The following POMP variants were observed in gnomAD, a reference collection of about 807,000 sequenced individuals.
POMP encodes proteasome maturation protein, also known as 2510048O06Rik.
In POMP, 12 loss-of-function variants were observed where a neutral mutation model predicts 20.6. The observed-to-expected ratio is 0.58, with a 90% confidence interval of 0.37 to 0.94. The LOEUF (loss-of-function observed/expected upper bound fraction) is 0.94. POMP is among the 40% of genes least tolerant of loss of function. The pLI, the probability that POMP is intolerant of heterozygous loss-of-function variation, is 0.01. For synonymous variants in POMP, 53 were observed against 55.0 expected (o/e 0.96, Z 0.16); for missense variants, 136 against 161.1 (o/e 0.84, Z 0.84).
chr13:28,666,070 C>G (rs1182960672), intron 3 of POMP, among the ~76,000 whole-genome samples: 1 of 152,158 alleles, frequency 6.6e-6, no homozygotes, highest in Non-Finnish European at 1.5e-5. Context: ...AAGGATAGTT[C>G]ATTCTGTTGA....
chr13:28,674,507 A>C (rs1168928227), intron 5 of POMP, among the ~76,000 whole-genome samples: 2 of 152,176 alleles, frequency 1.3e-5, no homozygotes, highest in Admixed American at 1.3e-4. Flanking sequence ...GAATGGAGAG[A>C]CCAATAGAGA....
At chr13:28,672,713 A>G (rs1301832016) in intron 5 of POMP, among the ~76,000 whole-genome samples, 2 of 152,192 alleles carry the variant, frequency 1.3e-5, no homozygotes, top group Non-Finnish European at 1.5e-5. Flanking sequence ...CCTGGCCAAC[A>G]TGGTGAAACC....
At chr13:28,675,629 T>G (rs1358121028) in intron 5 of POMP, among the ~76,000 whole-genome samples, 2 of 152,230 alleles carry the variant, frequency 1.3e-5, no homozygotes, top group Admixed American at 6.5e-5. Flanking sequence ...AACCTAAATA[T>G]TACTCAGAGA....
chr13:28,663,406 G>C (rs1593171944), intron 2 of POMP, among the ~76,000 whole-genome samples: 1 of 152,156 alleles, frequency 6.6e-6, no homozygotes, highest in African/African-American at 2.4e-5. Context: ...CGCCTCCCGG[G>C]TTCAAGTGAT....
intron 3 of POMP, among the ~76,000 whole-genome samples, chr13:28,667,761 A>G (rs775866576): frequency 6.6e-6 from 1 of 152,214 alleles, no homozygotes; most frequent in Non-Finnish European, 1.5e-5. Flanking sequence ...GTCTGTTTGC[A>G]TATTACATTC....
intron 2 of POMP, 144 bp from the exon 3 acceptor site, chr13:28,664,365 A>T: frequency 3.5e-6 from 2 of 579,204 alleles, no homozygotes; most frequent in South Asian, 4.6e-5. Context: ...AATTCCTATG[A>T]CTGTCACCAC....
At chr13:28,671,248 T>A (rs926095629) in intron 4 of POMP, among the ~76,000 whole-genome samples, 7 of 152,186 alleles carry the variant, frequency 4.6e-5, no homozygotes, top group African/African-American at 1.4e-4. Context: ...TTAGATTTTT[T>A]AATTTAATGT....
intron 1 of POMP, 76 bp from the exon 2 acceptor site, chr13:28,662,334 A>G (rs1285093165): frequency 8.0e-6 from 9 of 1,120,902 alleles, no homozygotes; most frequent in African/African-American, 4.7e-5. Context: ...TACTTAAACA[A>G]TATTTTTGAC....
chr13:28,671,569 A>G (rs1033206060), intron 4 of POMP, among the ~76,000 whole-genome samples: 1 of 151,282 alleles, frequency 6.6e-6, no homozygotes, highest in African/African-American at 2.4e-5. Context: ...TCTAACTACC[A>G]GACCCCTTGC....
Position 28,672,392 on chromosome 13 carries a change from G to A in POMP, c.318G>A (p.Arg106=), listed in dbSNP as rs758881701. Residue 106 remains arginine, a synonymous_variant, in exon 5 of 6, where the codon AGG becomes AGA. Transcript: ENST00000380842. ...CAAATCTTTCACTGGATGTTTTGAG[G>A]GGTAATGATGAGACTATTGGATTTG... ...SSSNLSLDVL[R]GNDETIGFED... 6.2e-6 allele frequency: 10 copies of A among 1,609,496 alleles called. No individual in the cohort carries two copies. Among genetic ancestry groups the A allele is most frequent in the Non-Finnish European group, 8.5e-6 (10 of 1,176,032 alleles).
At chr13:28,669,506 G>A (rs925119921) in intron 4 of POMP, among the ~76,000 whole-genome samples, 1 of 152,078 alleles carries the variant, frequency 6.6e-6, no homozygotes, top group Non-Finnish European at 1.5e-5. Context: ...CTCCTGAGTA[G>A]CAGGGACTAC....
Position 28,678,212 on chromosome 13 carries a change from A to AAGT in POMP, c.*115_*117dup. The AAGT allele has an allele frequency of 9.2e-7, 1 of 1,092,230 alleles. No individual in the cohort carries two copies. Among genetic ancestry groups the AAGT allele is most frequent in the Non-Finnish European group, 1.4e-6 (1 of 716,180 alleles). The allele number at this position is 1,092,230 out of a possible 1,614,324, so 67.7% of individuals were successfully genotyped here. ...TACTGACACCTGAGAATTTCTGCTC[A>AAGT]AGTAGTATCAGTGATCATTTAAAAT... On this transcript the variant is annotated 3_prime_UTR_variant, in exon 6 of 6. Coordinates refer to ENST00000380842, the MANE Select transcript of POMP (RefSeq NM_015932.6).
intron 5 of POMP, among the ~76,000 whole-genome samples, chr13:28,677,182 T>A (rs1884643049): frequency 6.6e-6 from 1 of 151,876 alleles, no homozygotes; most frequent in Non-Finnish European, 1.5e-5. Context: ...TGTCTTTCTA[T>A]GTAGTCAAAA....
At chr13:28,677,782 G>A (rs150299909) in intron 5 of POMP, among the ~76,000 whole-genome samples, 1 of 152,118 alleles carries the variant, frequency 6.6e-6, no homozygotes, top group African/African-American at 2.4e-5. Flanking sequence ...ATTTTTAAGT[G>A]TACAGTTCTG....
At position 28,668,573 on chromosome 13, in the gene POMP, A is replaced by G. The variant is rs768676539; in HGVS notation, c.263A>G (p.Gln88Arg). 7 of 1,592,222 alleles carry G rather than the reference A, an allele frequency of 4.4e-6. No homozygotes were observed. In the South Asian group the frequency reaches 4.4e-5, roughly 10 times the overall value. ...CAGATGGAATTCAAGGCAGTGCAGC[A>G]GGTGAGTTGATGGATCTCTGTTGCA... ...KLQMEFKAVQ[Q>R]VQRLPFLSSS... The change falls in exon 4 of 6, where the codon CAG (glutamine) becomes CGG (arginine). Residue 88 changes from glutamine to arginine, a missense_variant and splice_region_variant. Coordinates refer to ENST00000380842, the MANE Select transcript of POMP (RefSeq NM_015932.6).
rs903938357 is a variant in POMP, at chr13:28,669,217, C to G, written c.264+643C>G. ...CTACATTTGCTTTCTATACTCCTTT[C>G]CCTGCTATTTATTTAACCCACTGTT... On this transcript the variant is annotated intron_variant, in intron 4 of 5. Transcript: ENST00000380842. 6.6e-5 allele frequency among the ~76,000 whole-genome samples: 10 copies of G among 152,230 alleles called. No homozygotes were observed. The East Asian group carries it at 1.7e-3, about 26-fold the overall frequency.
rs1884661089 is a variant in POMP at position 28,678,199 on chromosome 13, A to C, written c.*97A>C. The C allele has an allele frequency of 1.6e-6, 2 of 1,233,546 alleles. No homozygotes were observed. The highest frequency in any genetic ancestry group is 2.4e-6 in the Non-Finnish European group (2 of 838,944). The allele number at this position is 1,233,546 out of a possible 1,614,324, so 76.4% of individuals were successfully genotyped here. ...ACAACATTAAAAGTACTGACACCTGAGAATTTCTGCTCAAGTAGTATCAGT... is the reference window on the plus strand; with the variant it reads ...ACAACATTAAAAGTACTGACACCTGCGAATTTCTGCTCAAGTAGTATCAGT... On this transcript the variant is annotated 3_prime_UTR_variant, in exon 6 of 6. Coordinates refer to ENST00000380842, the MANE Select transcript of POMP (RefSeq NM_015932.6).
chr13:28,663,476 A>AATTTTGT (rs1246384863), intron 2 of POMP, among the ~76,000 whole-genome samples: 2 of 151,912 alleles, frequency 1.3e-5, no homozygotes, highest in Non-Finnish European at 2.9e-5. Context: ...ATGCCCGGCT[A>AATTTTGT]ATTTTGTATT....
rs141431039 is a variant in POMP at position 28,673,317 on chromosome 13, C to T, written c.358+885C>T. Among the ~76,000 whole-genome samples the T allele has an allele frequency of 9.5e-3, 1,447 of 152,262 alleles. 23 individuals carry two copies. The highest frequency in any genetic ancestry group is 0.033 in the African/African-American group (1,391 of 41,536). ...AACTCCTGACCTTGTGATCTGCCCG[C>T]CTCGGCCTCCCAAAGTGCTGGGATT... On this transcript the variant is annotated intron_variant, in intron 5 of 5. Transcript: ENST00000380842.
Sources: gnomAD v4.1 joint callset for allele counts (sites outside exome capture counted in the v4.1 genomes callset) on GRCh38, gnomAD v4.1.1 for gene constraint, MANE v1.5 for transcripts, NCBI Gene and HGNC (gene_info 2026-07-23, HGNC 2026-07-21) for gene names.